Variants in AKAP19 observed in about 807,000 individuals in gnomAD.
The protein encoded by AKAP19 is small A-kinase anchoring protein.
At chr2:189,930,686 AAAAAAG>A in the AKAP19 span, 1 of 487,094 alleles carries the variant, frequency 2.1e-6, no homozygotes, top group South Asian at 2.6e-5. Context: ...CAAAAAAAAA[AAAAAAG>A]AAATTGAATT....
the AKAP19 span, among the ~76,000 whole-genome samples, chr2:189,948,052 G>T: frequency 6.6e-6 from 1 of 152,094 alleles, no homozygotes. Flanking sequence ...AAGTACATTT[G>T]TTTACCTCCT....
chr2:189,898,316 C>A, the AKAP19 span, among the ~76,000 whole-genome samples: 9 of 152,046 alleles, frequency 5.9e-5, no homozygotes, highest in East Asian at 1.7e-3. Flanking sequence ...CGTTCTAAGC[C>A]CTTTGTATAA....
chr2:190,152,606 A>AT, the AKAP19 span, among the ~76,000 whole-genome samples: 1 of 152,144 alleles, frequency 6.6e-6, no homozygotes, highest in Non-Finnish European at 1.5e-5. Flanking sequence ...TTCATAGGCT[A>AT]TTTTTTGTTC....
the AKAP19 span, among the ~76,000 whole-genome samples, chr2:190,109,118 A>G: frequency 6.6e-6 from 1 of 152,196 alleles, no homozygotes; most frequent in Non-Finnish European, 1.5e-5. Flanking sequence ...ATGTTATGCC[A>G]GAGCCAACGG....
chr2:189,902,211 C>A, the AKAP19 span, among the ~76,000 whole-genome samples: 8 of 151,834 alleles, frequency 5.3e-5, no homozygotes, highest in Non-Finnish European at 1.2e-4. Flanking sequence ...ATTTAGTATT[C>A]TCCACAAGGT....
the AKAP19 span, among the ~76,000 whole-genome samples, chr2:190,174,004 A>G: frequency 2.0e-5 from 3 of 151,748 alleles, no homozygotes; most frequent in Non-Finnish European, 2.9e-5. Flanking sequence ...ATCCTTAGTC[A>G]CCTGCTCTGT....
the AKAP19 span, among the ~76,000 whole-genome samples, chr2:190,147,312 G>C: frequency 5.3e-5 from 8 of 152,256 alleles, no homozygotes; most frequent in East Asian, 1.4e-3. Flanking sequence ...TTGGCTGTAA[G>C]TGTTTTGGTT....
chr2:190,121,777 G>C, the AKAP19 span, among the ~76,000 whole-genome samples: 1 of 152,164 alleles, frequency 6.6e-6, no homozygotes, highest in Non-Finnish European at 1.5e-5. Flanking sequence ...GGAATTTTAA[G>C]ACCCAAGAAA....
At chr2:190,138,869 T>C in the AKAP19 span, among the ~76,000 whole-genome samples, 138,617 of 152,118 alleles carry the variant, frequency 0.91, 64,063 homozygotes, top group East Asian at 1. Context: ...CTTAAGAGCA[T>C]AGGATTTGGA....
At chr2:189,899,106 C>T in the AKAP19 span, among the ~76,000 whole-genome samples, 1 of 152,014 alleles carries the variant, frequency 6.6e-6, no homozygotes. Context: ...CCTAATCCCT[C>T]CTCTACACCA....
chr2:190,128,235 G>A, the AKAP19 span, among the ~76,000 whole-genome samples: 15 of 152,064 alleles, frequency 9.9e-5, no homozygotes, highest in Non-Finnish European at 1.5e-4. Context: ...GGGTCCACAC[G>A]CCCTATCAAA....
chr2:190,181,197 A>G, the AKAP19 span: 2 of 972,062 alleles, frequency 2.1e-6, no homozygotes, highest in South Asian at 4.8e-5. Context: ...AGATTTTTCA[A>G]TGGCAGAAAC....
the AKAP19 span, among the ~76,000 whole-genome samples, chr2:190,091,557 C>CACACACACACAT: frequency 6.6e-6 from 1 of 152,044 alleles, no homozygotes; most frequent in Non-Finnish European, 1.5e-5. Flanking sequence ...AACACACACA[C>CACACACACACAT]ACACAAGTAG....
chr2:189,928,522 T>C, the AKAP19 span, among the ~76,000 whole-genome samples: 2 of 152,150 alleles, frequency 1.3e-5, no homozygotes, highest in Admixed American at 1.3e-4. Context: ...AAATTTGCTT[T>C]ATGTAATTGG....
chr2:189,919,134 C>T, the AKAP19 span, among the ~76,000 whole-genome samples: 5 of 152,152 alleles, frequency 3.3e-5, no homozygotes, highest in Admixed American at 2.0e-4. Flanking sequence ...CACTGAGGGT[C>T]CTGGGACATA....
At chr2:190,139,975 T>C in the AKAP19 span, among the ~76,000 whole-genome samples, 1 of 152,172 alleles carries the variant, frequency 6.6e-6, no homozygotes, top group African/African-American at 2.4e-5. Context: ...AGTTACTTCC[T>C]AGATACTATG....
chr2:190,167,876 G>C, the AKAP19 span, among the ~76,000 whole-genome samples: 1 of 152,202 alleles, frequency 6.6e-6, no homozygotes, highest in Non-Finnish European at 1.5e-5. Context: ...AGTGTATGTG[G>C]CTTTTCCAGG....
chr2:190,198,801 A>T, the AKAP19 span, among the ~76,000 whole-genome samples: 1 of 152,112 alleles, frequency 6.6e-6, no homozygotes, highest in African/African-American at 2.4e-5. Context: ...GCTGTCTTGT[A>T]TTGTTTTAGT....
the AKAP19 span, among the ~76,000 whole-genome samples, chr2:190,173,114 C>CAAAA: frequency 9.2e-4 from 133 of 144,002 alleles, no homozygotes; most frequent in Admixed American, 1.6e-3. Flanking sequence ...GACTCCATCT[C>CAAAA]AAAAAAAATA....
Sources: allele counts gnomAD v4.1 joint callset (sites outside exome capture counted in the v4.1 genomes callset), GRCh38; gene constraint gnomAD v4.1.1; transcripts MANE v1.5; gene names NCBI Gene and HGNC (gene_info 2026-07-23, HGNC 2026-07-21).